Variants in HMGXB3 observed in about 807,000 individuals in gnomAD.
HMGXB3 encodes HMG domain-containing protein 3.
A neutral mutation model predicts 121.5 loss-of-function variants in HMGXB3; 45 were observed. That is an observed-to-expected ratio of 0.37 (90% CI 0.29 to 0.47). HMGXB3 has a LOEUF of 0.47. Ranked by LOEUF, HMGXB3 falls within the 20% of genes least tolerant of loss-of-function variation. HMGXB3 has a pLI of 0.99. For missense variants in HMGXB3, 1,376 were observed against 1,602.2 expected, an observed-to-expected ratio of 0.86 and a Z score of 2.41; for synonymous variants, 590 against 624.1, an observed-to-expected ratio of 0.95 and a Z score of 0.81.
At position 150,036,914 on chromosome 5, in the gene HMGXB3, CCCA is replaced by C; in HGVS notation, c.2263_2265del (p.Pro755del). On this transcript the variant is annotated inframe_deletion, in exon 12 of 20. Coordinates refer to ENST00000502717, the MANE Select transcript of HMGXB3 (RefSeq NM_014983.3). ...CCACGCAGTGCCTTCTCTGTAGCAG[CCCA>C]TTATTCAAAGGGGGACAAAAGTAAG... The C allele has an allele frequency of 1.3e-6, 2 of 1,551,352 alleles. No individual in the cohort carries two copies. Among genetic ancestry groups the C allele is most frequent in the Non-Finnish European group, 1.7e-6 (2 of 1,146,828 alleles).
At chr5:150,049,636 G>T (rs1024600242) in intron 18 of HMGXB3, among the ~76,000 whole-genome samples, 5 of 152,230 alleles carry the variant, frequency 3.3e-5, no homozygotes, top group African/African-American at 1.2e-4. Flanking sequence ...ATGAGAAGCA[G>T]CTGACAGCAC....
Position 150,052,266 on chromosome 5 carries a change from G to C in HMGXB3, c.*74G>C. ...CCCTTGCCTGAGGCAGAGCTATCCA[G>C]GGGACCTGCAGAAGTGGTCTCCTGT... On this transcript the variant is annotated 3_prime_UTR_variant, in exon 20 of 20. Transcript: ENST00000502717. The C allele has an allele frequency of 8.1e-7, 1 of 1,230,756 alleles. No individual in the cohort carries two copies. The allele number at this position is 1,230,756 out of a possible 1,614,324, so 76.2% of individuals were successfully genotyped here.
intron 9 of HMGXB3, among the ~76,000 whole-genome samples, chr5:150,030,021 A>G (rs1756335453): frequency 6.6e-6 from 1 of 152,254 alleles, no homozygotes; most frequent in African/African-American, 2.4e-5. Context: ...GGTATTTGTT[A>G]AAAGCCACAA....
intron 11 of HMGXB3, 65 bp downstream of exon 11, chr5:150,032,668 G>T: frequency 6.6e-7 from 1 of 1,508,656 alleles, no homozygotes; most frequent in Non-Finnish European, 9.0e-7. Context: ...ACCTGTCTTA[G>T]TAGAAATAAG....
At chr5:150,018,821 C>A in intron 6 of HMGXB3, 124 bp downstream of exon 6, 2 of 887,906 alleles carry the variant, frequency 2.3e-6, no homozygotes, top group South Asian at 2.1e-5. Flanking sequence ...ACAAGTAAAT[C>A]ATTTCCATTG....
chr5:150,043,004 CA>C (rs1452327414), intron 15 of HMGXB3, among the ~76,000 whole-genome samples: 3 of 152,106 alleles, frequency 2.0e-5, no homozygotes, highest in African/African-American at 7.2e-5. Context: ...AAAATAATAG[CA>C]AATCAGATCT....
chr5:150,012,831 CCT>C (rs1248784534), intron 5 of HMGXB3, among the ~76,000 whole-genome samples: 2 of 152,004 alleles, frequency 1.3e-5, no homozygotes, highest in Non-Finnish European at 2.9e-5. Context: ...GAGATTTATC[CCT>C]GTTTATCTTT....
Position 150,024,322 on chromosome 5 carries a change from G to A in HMGXB3, c.1102G>A (p.Val368Met), listed in dbSNP as rs1284599480. The A allele has an allele frequency of 1.3e-6, 2 of 1,551,688 alleles. No individual in the cohort carries two copies. The highest frequency in any genetic ancestry group is 3.9e-5 in the Admixed American group (2 of 50,996). The change falls in exon 7 of 20, where the codon GTG becomes ATG. Residue 368 changes from valine (V) to methionine (M), a missense_variant. By Grantham distance (21) the Val-to-Met change is conservative (BLOSUM62 1). Coordinates refer to ENST00000502717, the MANE Select transcript of HMGXB3 (RefSeq NM_014983.3). Reference protein sequence around the residue: ...ASGVSSKGSVVKRNQQPVTTE... With the variant: ...ASGVSSKGSVMKRNQQPVTTE... The stretch of plus-strand genomic sequence containing the variant: ...TGGCGTCTCTTCCAAAGGCTCTGTG[G>A]TGAAAAGAAATCAGCAACCTGTCAC...
At position 150,041,792 on chromosome 5, in the gene HMGXB3, T is replaced by C; in HGVS notation, c.2553T>C (p.Thr851=). Reference sequence around the variant, plus strand: ...TTCTTGCTCTTCTTTCAGAGAAGACTCTGACCTCGGAGGAGCTGAGCCAGC... The same window carrying C: ...TTCTTGCTCTTCTTTCAGAGAAGACCCTGACCTCGGAGGAGCTGAGCCAGC... The part of the protein sequence containing the change: ...LKSVQEQTEK[T]LTSEELSQLQ... Residue 851 remains threonine (T), a synonymous_variant, in exon 15 of 20, where the codon ACT becomes ACC. Transcript: ENST00000502717. 1 of 1,551,228 alleles carries C rather than the reference T, an allele frequency of 6.4e-7. No individual in the cohort carries two copies. Among genetic ancestry groups the C allele is most frequent in the Non-Finnish European group, 8.7e-7 (1 of 1,146,690 alleles).
chr5:150,018,095 A>T (rs559069476), intron 5 of HMGXB3, among the ~76,000 whole-genome samples: 2 of 152,346 alleles, frequency 1.3e-5, no homozygotes, highest in South Asian at 4.1e-4. Flanking sequence ...AAGTATTTAG[A>T]GCCAGAGGGT....
chr5:150,045,365 C>A, intron 15 of HMGXB3, 101 bp from the exon 16 acceptor site: 1 of 1,004,764 alleles, frequency 1.0e-6, no homozygotes, highest in Non-Finnish European at 1.5e-6. Context: ...TTCCCTTCAC[C>A]AAGCCTTGGC....
chr5:150,049,701 A>G (rs1417134101), intron 18 of HMGXB3, among the ~76,000 whole-genome samples: 2 of 152,074 alleles, frequency 1.3e-5, no homozygotes, highest in East Asian at 3.9e-4. Flanking sequence ...CTTGGAGGTG[A>G]CAGCCAAGTG....
chr5:150,050,144 C>T, intron 18 of HMGXB3, 108 bp from the exon 19 acceptor site: 2 of 958,362 alleles, frequency 2.1e-6, no homozygotes, highest in South Asian at 1.5e-5. Context: ...ATGGCTTCGG[C>T]CCTGAAGCTG....
At chr5:150,047,534 G>T (rs965789285) in intron 16 of HMGXB3, 90 bp from the exon 17 acceptor site, 1 of 1,476,754 alleles carries the variant, frequency 6.8e-7, no homozygotes, top group African/African-American at 1.4e-5. Context: ...GTGCAGAGCT[G>T]GCTTCCACTG....
At chr5:150,040,290 T>A (rs963606244) in intron 13 of HMGXB3, among the ~76,000 whole-genome samples, 3 of 152,228 alleles carry the variant, frequency 2.0e-5, no homozygotes, top group Non-Finnish European at 2.9e-5. Flanking sequence ...GAATACTTTA[T>A]TCTTTTTAAT....
intron 13 of HMGXB3, among the ~76,000 whole-genome samples, chr5:150,039,759 C>CTT (rs55764414): frequency 0.26 from 39,748 of 151,934 alleles, 8,700 homozygotes; most frequent in African/African-American, 0.59. Flanking sequence ...GGCGTCATGA[C>CTT]TTTTGCTTTT....
intron 5 of HMGXB3, among the ~76,000 whole-genome samples, chr5:150,012,843 T>C (rs562557458): frequency 7.2e-5 from 11 of 152,344 alleles, no homozygotes; most frequent in African/African-American, 2.4e-4. Context: ...TGTTTATCTT[T>C]TTCTCACACT....
intron 6 of HMGXB3, chr5:150,021,923 G>T (rs1662615817): frequency 2.0e-6 from 1 of 488,562 alleles, no homozygotes; most frequent in Admixed American, 2.1e-5. Context: ...AAAAGCCTTG[G>T]CTGCAGCGGG....
chr5:150,018,712 C>T lies in HMGXB3; in HGVS notation c.1041+15C>T. ...GGATCCCAAAGGTAAGGTCCATTGG[C>T]TGTTGCTGCTTTGGAAGCCTCACAG... is the stretch of plus-strand genomic sequence containing the variant. On this transcript the variant is annotated intron_variant, in intron 6 of 19. Coordinates refer to ENST00000502717, the MANE Select transcript of HMGXB3 (RefSeq NM_014983.3). 6.5e-7 allele frequency: 1 copy of T among 1,541,306 alleles called. No homozygotes were observed. Among genetic ancestry groups the T allele is most frequent in the Non-Finnish European group, 8.8e-7 (1 of 1,142,046 alleles).
Sources: gnomAD v4.1 joint callset for allele counts (sites outside exome capture counted in the v4.1 genomes callset) on GRCh38, gnomAD v4.1.1 for gene constraint, MANE v1.5 for transcripts, NCBI Gene and HGNC (gene_info 2026-07-23, HGNC 2026-07-21) for gene names.